PCDH15: variants seen among roughly 807,000 people sequenced by gnomAD.
PCDH15 encodes the protein protocadherin related 15.
Under a neutral mutation model 178.5 loss-of-function variants are expected in PCDH15, and 129 were observed. That is an observed-to-expected ratio of 0.72 (90% CI 0.63 to 0.84). The LOEUF (loss-of-function observed/expected upper bound fraction) is 0.84, where lower values mean the gene tolerates loss of function less well. Among genes scored for constraint, PCDH15 ranks in the 40% least tolerant of loss-of-function variants. The pLI, the probability that PCDH15 is intolerant of heterozygous loss-of-function variation, is 0.00. For synonymous variants in PCDH15, 800 were observed against 732.0 expected, an observed-to-expected ratio of 1.09 and a Z score of -1.50; for missense variants, 2,230 against 2,099.9, an observed-to-expected ratio of 1.06 and a Z score of -1.21.
At chr10:54,499,592 T>G (rs11004339) in intron 3 of PCDH15, among the ~76,000 whole-genome samples, 15,324 of 152,036 alleles carry the variant, frequency 0.1, 993 homozygotes, top group East Asian at 0.29. Flanking sequence ...CAATAAAATT[T>G]AGGCAGAAAT....
chr10:55,103,464 T>A (rs1017184621), intron 2 of PCDH15, among the ~76,000 whole-genome samples: 1 of 152,184 alleles, frequency 6.6e-6, no homozygotes, highest in Admixed American at 6.5e-5. Flanking sequence ...CATGATGTTT[T>A]TTGTTATATC....
chr10:53,935,233 T>C (rs1214632199), intron 25 of PCDH15, among the ~76,000 whole-genome samples: 1 of 152,196 alleles, frequency 6.6e-6, no homozygotes, highest in East Asian at 1.9e-4. Context: ...GTTAAAGCCC[T>C]AAGATAAGCT....
intron 2 of PCDH15, among the ~76,000 whole-genome samples, chr10:55,023,091 G>A (rs1324361659): frequency 6.6e-6 from 1 of 152,018 alleles, no homozygotes; most frequent in Non-Finnish European, 1.5e-5. Flanking sequence ...GCAGGCGCCC[G>A]CCACCACGCC....
intron 1 of PCDH15, among the ~76,000 whole-genome samples, chr10:54,720,356 G>T (rs139473637): frequency 1.6e-3 from 240 of 151,938 alleles, no homozygotes; most frequent in African/African-American, 5.4e-3. Flanking sequence ...AATGCATATA[G>T]TCATCAGAAT....
At position 54,309,568 on chromosome 10, in the gene PCDH15, T is replaced by C. The variant is rs2060772709; in HGVS notation, c.876+7703A>G. Among the ~76,000 whole-genome samples, 7 of 152,098 alleles carry C rather than the reference T, an allele frequency of 4.6e-5. No homozygotes were observed. In the South Asian group the frequency reaches 1.5e-3, roughly 32 times the overall value. ...CAGAACTTTGGGAGGCCAAGGCAGG[T>C]AGATCATCTGAGGTCAGGAGTTCGA... On this transcript the variant is annotated intron_variant, in intron 8 of 37. Coordinates refer to ENST00000644397, the MANE Select transcript of PCDH15 (RefSeq NM_001384140.1).
chr10:55,357,135 A>T (rs1036806801), intron 2 of PCDH15, among the ~76,000 whole-genome samples: 1 of 151,956 alleles, frequency 6.6e-6, no homozygotes, highest in Non-Finnish European at 1.5e-5. Flanking sequence ...GGGCAGTTTA[A>T]CCAGAAAAAG....
At chr10:55,097,234 T>A (rs1212699295) in intron 2 of PCDH15, among the ~76,000 whole-genome samples, 3 of 152,164 alleles carry the variant, frequency 2.0e-5, no homozygotes, top group African/African-American at 4.8e-5. Flanking sequence ...TTTTGCTATA[T>A]CCTGTCACGG....
chr10:54,089,059 T>C (rs947603935), intron 16 of PCDH15, among the ~76,000 whole-genome samples: 4 of 152,210 alleles, frequency 2.6e-5, no homozygotes, highest in African/African-American at 9.6e-5. Context: ...TACTTATCTG[T>C]GGAAAACACT....
chr10:54,745,265 G>C (rs371269047), intron 1 of PCDH15, among the ~76,000 whole-genome samples: 2 of 151,816 alleles, frequency 1.3e-5, no homozygotes, highest in Admixed American at 1.3e-4. Flanking sequence ...TATAAATTAC[G>C]TGTGATTGGA....
chr10:55,011,125 C>T (rs983285550), intron 2 of PCDH15, among the ~76,000 whole-genome samples: 4 of 152,172 alleles, frequency 2.6e-5, no homozygotes, highest in South Asian at 4.1e-4. Context: ...CACACATACA[C>T]GTGCATACAC....
chr10:54,629,121 A>C (rs2093634238), intron 2 of PCDH15, among the ~76,000 whole-genome samples: 1 of 152,090 alleles, frequency 6.6e-6, no homozygotes, highest in South Asian at 2.1e-4. Flanking sequence ...TTCCACCGGA[A>C]GAAAGCATAT....
intron 2 of PCDH15, among the ~76,000 whole-genome samples, chr10:55,076,530 C>A (rs898241729): frequency 1.3e-5 from 2 of 151,324 alleles, no homozygotes; most frequent in Admixed American, 1.3e-4. Flanking sequence ...CAGTTCACTG[C>A]GACCTCTGCC....
At chr10:53,938,197 G>A (rs998532493) in intron 25 of PCDH15, among the ~76,000 whole-genome samples, 1 of 151,672 alleles carries the variant, frequency 6.6e-6, no homozygotes, top group African/African-American at 2.4e-5. Flanking sequence ...GTTGAAGTTC[G>A]GAGTCACAGA....
At chr10:54,477,679 C>T (rs531859771) in intron 3 of PCDH15, among the ~76,000 whole-genome samples, 1 of 152,196 alleles carries the variant, frequency 6.6e-6, no homozygotes, top group Non-Finnish European at 1.5e-5. Context: ...TCACTGCAGC[C>T]TTCGACTTCT....
At chr10:55,235,422 C>T (rs911415016) in intron 1 of PCDH15, among the ~76,000 whole-genome samples, 1 of 152,072 alleles carries the variant, frequency 6.6e-6, no homozygotes, top group Non-Finnish European at 1.5e-5. Flanking sequence ...CTGATTTACA[C>T]CTTAAAAATC....
In PCDH15 at chr10:53,825,082, C is replaced by CTATTGTATCTAT. The variant is rs1564546514; in HGVS notation, c.4367+2299_4367+2310dup. The CTATTGTATCTAT allele has an allele frequency of 2.7e-6, 4 of 1,507,238 alleles. No homozygotes were observed. In the African/African-American group the frequency reaches 5.6e-5, roughly 21 times the overall value. 93.4% of individuals were successfully genotyped at this position (1,507,238 alleles called of 1,614,324 possible). Reference sequence around the variant, plus strand: ...CAGTACAACAGCATTTTAATCTGTTCTATTGTATCTATTTTTCTAACGCTC... The same window carrying CTATTGTATCTAT: ...CAGTACAACAGCATTTTAATCTGTTCTATTGTATCTATTATTGTATCTATTTTTCTAACGCTC... On this transcript the variant is annotated intron_variant, in intron 32 of 37. Coordinates refer to ENST00000644397, the MANE Select transcript of PCDH15 (RefSeq NM_001384140.1).
At chr10:54,266,778 CAAT>C (rs1467717162) in intron 8 of PCDH15, among the ~76,000 whole-genome samples, 2 of 151,724 alleles carry the variant, frequency 1.3e-5, no homozygotes, top group East Asian at 1.9e-4. Flanking sequence ...AACACACCAA[CAAT>C]GAGTTACAGA....
chr10:53,988,347 C>T (rs78170159), intron 21 of PCDH15, among the ~76,000 whole-genome samples: 3,173 of 152,128 alleles, frequency 0.021, 122 homozygotes, highest in African/African-American at 0.074. Flanking sequence ...CACCTGAGGC[C>T]GAGGGGATGG....
intron 8 of PCDH15, among the ~76,000 whole-genome samples, chr10:54,262,196 G>T (rs1046569674): frequency 6.6e-5 from 10 of 152,038 alleles, no homozygotes; most frequent in African/African-American, 2.4e-4. Context: ...TTTGTTGTGC[G>T]GTGCAGCTGC....
Sources: gnomAD v4.1 joint callset for allele counts (sites outside exome capture counted in the v4.1 genomes callset) on GRCh38, gnomAD v4.1.1 for gene constraint, MANE v1.5 for transcripts, NCBI Gene and HGNC (gene_info 2026-07-23, HGNC 2026-07-21) for gene names.